CD8B2: variants seen among roughly 807,000 people sequenced by gnomAD.
The protein encoded by CD8B2 is T-cell surface glycoprotein CD8 beta-2 chain.
A neutral mutation model predicts 23.7 loss-of-function variants in CD8B2; 11 were observed. The observed-to-expected ratio is 0.46, with a 90% CI of 0.29 to 0.77. The LOEUF (loss-of-function observed/expected upper bound fraction) is 0.77, where lower values mean the gene tolerates loss of function less well. Among genes scored for constraint, CD8B2 ranks in the 30% least tolerant of loss-of-function variants. The pLI, the probability that CD8B2 is intolerant of heterozygous loss-of-function variation, is 0.09. For synonymous variants in CD8B2, 90 were observed against 109.3 expected, an observed-to-expected ratio of 0.82 and a Z score of 1.10; for missense variants, 197 against 270.5, an observed-to-expected ratio of 0.73 and a Z score of 1.91.
At chr2:106,516,419 C>T (rs538503852) in intron 5 of CD8B2, among the ~76,000 whole-genome samples, 139 of 152,236 alleles carry the variant, frequency 9.1e-4, no homozygotes, top group African/African-American at 3.2e-3. Context: ...CCCGATGTAC[C>T]CCTGGTTTGT....
intron 1 of CD8B2, among the ~76,000 whole-genome samples, chr2:106,490,346 C>T (rs1679169163): frequency 6.6e-6 from 1 of 152,132 alleles, no homozygotes; most frequent in African/African-American, 2.4e-5. Flanking sequence ...TCAGTTTCCT[C>T]ATCTGTGTAA....
chr2:106,539,490 G>C (rs557473067), intron 5 of CD8B2, among the ~76,000 whole-genome samples: 1 of 152,118 alleles, frequency 6.6e-6, no homozygotes, highest in Non-Finnish European at 1.5e-5. Flanking sequence ...CCATGTGTGC[G>C]GTGTGCTCAT....
rs1415429178 is a variant in CD8B2 at position 106,508,501 on chromosome 2, C to T, written c.*1561C>T. The T allele has an allele frequency of 6.6e-6, 1 of 151,924 alleles. No individual in the cohort carries two copies. Among genetic ancestry groups the T allele is most frequent in the Non-Finnish European group, 1.5e-5 (1 of 67,976 alleles). 9.4% of individuals were successfully genotyped at this position (151,924 alleles called of 1,614,324 possible). ...GGCCTTGAGTGTAAGTTGTCCAGGT[C>T]CTTGGCATTTTGAACAAAGAACTGA... On this transcript the variant is annotated 3_prime_UTR_variant, in exon 6 of 6. Transcript: ENST00000643224.
At position 106,521,140 on chromosome 2, in the gene CD8B2, G is replaced by A. The variant is rs577404896; in HGVS notation, c.620+16815G>A. Among the ~76,000 whole-genome samples, 18 of 152,178 alleles carry A rather than the reference G, an allele frequency of 1.2e-4. 2 individuals carry two copies. Among genetic ancestry groups the A allele is most frequent in the Middle Eastern group, 6.8e-3 (2 of 294 alleles). ...ATTTTATAGGCAGGCTTGAGGAGGT[G>A]GTGTCTGATTTACATAGGGCCCACA... On this transcript the variant is annotated intron_variant, in intron 5 of 5. Coordinates refer to the CD8B2 transcript ENST00000416057.
intron 5 of CD8B2, among the ~76,000 whole-genome samples, chr2:106,504,813 G>A (rs1679474614): frequency 6.6e-6 from 1 of 152,180 alleles, no homozygotes; most frequent in Admixed American, 6.5e-5. Flanking sequence ...CCTTGGTTCT[G>A]TGTGAGATAA....
chr2:106,530,159 AT>A (rs747165973), intron 5 of CD8B2, among the ~76,000 whole-genome samples: 19 of 152,202 alleles, frequency 1.2e-4, no homozygotes, highest in Non-Finnish European at 2.1e-4. Flanking sequence ...TAAAGTGCAC[AT>A]TTCAGTATTG....
intron 3 of CD8B2, among the ~76,000 whole-genome samples, chr2:106,502,010 C>T (rs183139793): frequency 2.6e-4 from 40 of 152,126 alleles, no homozygotes; most frequent in African/African-American, 7.2e-4. Context: ...AAAGACTAGA[C>T]GATGGCTGGA....
chr2:106,521,090 GAGAT>G (rs1679819806), intron 5 of CD8B2, among the ~76,000 whole-genome samples: 1 of 151,942 alleles, frequency 6.6e-6, no homozygotes. Flanking sequence ...AGAATGGAAA[GAGAT>G]AGATGCCGAA....
intron 5 of CD8B2, 125 bp downstream of exon 5, chr2:106,504,450 G>A (rs1485717850): frequency 6.5e-7 from 1 of 1,529,032 alleles, no homozygotes; most frequent in East Asian, 2.5e-5. Context: ...GGCCGGGCGT[G>A]GTAGTGCACA....
intron 5 of CD8B2, chr2:106,537,906 C>T (rs1419673172): frequency 6.6e-6 from 1 of 152,180 alleles, no homozygotes; most frequent in Non-Finnish European, 1.5e-5. Context: ...CTTCAGGCAC[C>T]TCGCTTTGGA....
intron 5 of CD8B2, among the ~76,000 whole-genome samples, chr2:106,525,869 G>A (rs959099563): frequency 1.3e-5 from 2 of 152,184 alleles, no homozygotes; most frequent in African/African-American, 4.8e-5. Flanking sequence ...AGAGTCCGCA[G>A]TGAAGTGCAA....
intron 5 of CD8B2, among the ~76,000 whole-genome samples, chr2:106,522,971 T>C (rs1240283482): frequency 2.0e-5 from 3 of 152,136 alleles, no homozygotes; most frequent in Non-Finnish European, 1.5e-5. Flanking sequence ...CTTAAAGTTC[T>C]GCTATTGCTC....
intron 5 of CD8B2, among the ~76,000 whole-genome samples, chr2:106,504,774 G>A (rs1042646244): frequency 2.9e-4 from 44 of 152,242 alleles, no homozygotes; most frequent in African/African-American, 9.9e-4. Context: ...CATCCCATCC[G>A]TTATTTCATC....
intron 5 of CD8B2, among the ~76,000 whole-genome samples, chr2:106,538,670 A>G (rs371914880): frequency 5.3e-5 from 8 of 152,120 alleles, no homozygotes; most frequent in African/African-American, 1.9e-4. Context: ...GCATGTCACT[A>G]TCTCTGGTAA....
chr2:106,488,546 G>C (rs1162110011), intron 1 of CD8B2, among the ~76,000 whole-genome samples: 1 of 152,144 alleles, frequency 6.6e-6, no homozygotes, highest in South Asian at 2.1e-4. Flanking sequence ...GAAGGGCTTC[G>C]GGCACCTGTG....
chr2:106,504,675 A>T (rs2104558709), intron 5 of CD8B2, among the ~76,000 whole-genome samples: 1 of 152,334 alleles, frequency 6.6e-6, no homozygotes, highest in African/African-American at 2.4e-5. Flanking sequence ...CTGACCAATA[A>T]GTTAAATGTA....
chr2:106,516,349 G>T (rs1679729542), intron 5 of CD8B2, among the ~76,000 whole-genome samples: 1 of 152,174 alleles, frequency 6.6e-6, no homozygotes, highest in Non-Finnish European at 1.5e-5. Flanking sequence ...AGGCTCACGT[G>T]GCCTCTGGGT....
At chr2:106,544,208 TACCA>T (rs1680218134) in exon 6 of CD8B2, 3 of 397,042 alleles carry the variant, frequency 7.6e-6, no homozygotes, top group African/African-American at 6.2e-5. Context: ...GTAAAAAAGT[TACCA>T]ACAAGTTTTT....
At chr2:106,520,752 C>T (rs1172331274) in intron 5 of CD8B2, among the ~76,000 whole-genome samples, 1 of 152,068 alleles carries the variant, frequency 6.6e-6, no homozygotes, top group Non-Finnish European at 1.5e-5. Context: ...CACCTGTAAT[C>T]CCAGCTACTC....
Sources: allele counts gnomAD v4.1 joint callset (sites outside exome capture counted in the v4.1 genomes callset), GRCh38; gene constraint gnomAD v4.1.1; transcripts MANE v1.5; gene names NCBI Gene and HGNC (gene_info 2026-07-23, HGNC 2026-07-21).